Variants in NRXN1 observed in about 807,000 individuals in gnomAD.
NRXN1 encodes the protein neurexin 1.
A neutral mutation model predicts 150.9 loss-of-function variants in NRXN1; 39 were observed. That is an observed-to-expected ratio of 0.26 (90% CI 0.20 to 0.34). The LOEUF is 0.34. Among genes scored for constraint, NRXN1 ranks in the 10% least tolerant of loss-of-function variants. NRXN1 has a pLI of 1.00. For synonymous variants in NRXN1, 924 were observed against 757.0 expected (o/e 1.22, Z -3.62); for missense variants, 1,815 against 1,949.9 (o/e 0.93, Z 1.30).
At chr2:50,913,575 C>G (rs1411408317) in intron 5 of NRXN1, among the ~76,000 whole-genome samples, 1 of 151,648 alleles carries the variant, frequency 6.6e-6, no homozygotes, top group Non-Finnish European at 1.5e-5. Context: ...ATAGTCTATA[C>G]CTGGGTTATG....
intron 5 of NRXN1, among the ~76,000 whole-genome samples, chr2:50,768,949 C>T (rs925225117): frequency 6.7e-6 from 1 of 150,234 alleles, no homozygotes; most frequent in Admixed American, 6.6e-5. Context: ...CACACACACA[C>T]TCTGAACTTG....
chr2:50,863,416 G>A (rs138570948), intron 5 of NRXN1, among the ~76,000 whole-genome samples: 1 of 152,068 alleles, frequency 6.6e-6, no homozygotes, highest in Non-Finnish European at 1.5e-5. Flanking sequence ...GGGTTTGTGT[G>A]TGTGTTAAAC....
chr2:50,962,738 T>C (rs566027986), intron 2 of NRXN1, among the ~76,000 whole-genome samples: 1 of 151,662 alleles, frequency 6.6e-6, no homozygotes, highest in South Asian at 2.1e-4. Context: ...TAAAAACAAA[T>C]TAAGCTTCAC....
chr2:50,070,567 G>A (rs1001389043), intron 19 of NRXN1, among the ~76,000 whole-genome samples: 1 of 151,720 alleles, frequency 6.6e-6, no homozygotes, highest in South Asian at 2.1e-4. Flanking sequence ...TCAGGAGATC[G>A]AGACCATCCC....
chr2:50,190,441 A>C (rs2061370144), intron 18 of NRXN1, among the ~76,000 whole-genome samples: 1 of 152,132 alleles, frequency 6.6e-6, no homozygotes, highest in Non-Finnish European at 1.5e-5. Flanking sequence ...CATCTCAAGC[A>C]TATAGGCAAT....
intron 17 of NRXN1, among the ~76,000 whole-genome samples, chr2:50,304,454 A>G (rs373170414): frequency 1.3e-5 from 2 of 152,336 alleles, no homozygotes; most frequent in East Asian, 3.9e-4. Context: ...AACTATAGGT[A>G]TATGTAGTAC....
At chr2:50,484,151 T>C (rs2090696864) in intron 15 of NRXN1, among the ~76,000 whole-genome samples, 1 of 152,116 alleles carries the variant, frequency 6.6e-6, no homozygotes, top group African/African-American at 2.4e-5. Flanking sequence ...AAGGACAAAG[T>C]AGTATAAAGC....
intron 17 of NRXN1, among the ~76,000 whole-genome samples, chr2:50,386,587 A>AGAC (rs146023451): frequency 0.068 from 10,361 of 152,172 alleles, 712 homozygotes; most frequent in East Asian, 0.35. Context: ...CCCCAAATTG[A>AGAC]GACCTTCAAG....
intron 2 of NRXN1, among the ~76,000 whole-genome samples, chr2:50,978,950 C>T (rs1696347738): frequency 6.6e-6 from 1 of 152,092 alleles, no homozygotes. Context: ...GTAGTATAAA[C>T]TTCATAGGAT....
intron 15 of NRXN1, among the ~76,000 whole-genome samples, chr2:50,494,991 A>G (rs772790804): frequency 5.3e-5 from 8 of 150,852 alleles, no homozygotes; most frequent in Non-Finnish European, 1.2e-4. Flanking sequence ...AGATCGTGCC[A>G]CTGCACTCCA....
chr2:50,512,174 A>G (rs923998670), intron 12 of NRXN1, among the ~76,000 whole-genome samples: 1 of 152,162 alleles, frequency 6.6e-6, no homozygotes, highest in Admixed American at 6.5e-5. Flanking sequence ...GTGCAATGTT[A>G]TAGTGAATAT....
At chr2:50,416,062 C>A (rs115412137) in intron 17 of NRXN1, among the ~76,000 whole-genome samples, 1,688 of 151,682 alleles carry the variant, frequency 0.011, 36 homozygotes, top group African/African-American at 0.037. Flanking sequence ...ACTGGGAATA[C>A]CATGGTGAGC....
At chr2:50,267,155 T>G (rs1477611769) in intron 17 of NRXN1, among the ~76,000 whole-genome samples, 1 of 152,146 alleles carries the variant, frequency 6.6e-6, no homozygotes, top group Non-Finnish European at 1.5e-5. Flanking sequence ...GAGAGGCAGA[T>G]GAATAAAGCA....
chr2:50,394,210 CTA>C (rs1465428221), intron 17 of NRXN1, among the ~76,000 whole-genome samples: 14 of 152,154 alleles, frequency 9.2e-5, no homozygotes, highest in African/African-American at 3.1e-4. Context: ...TACAATCTAT[CTA>C]TATGTGATGA....
In NRXN1 at chr2:50,473,712, T is replaced by G. The variant is rs114434386; in HGVS notation, c.3071-1241A>C. Among the ~76,000 whole-genome samples, 658 of 152,172 alleles carry G rather than the reference T, an allele frequency of 4.3e-3. 3 individuals are homozygous for G. Among genetic ancestry groups the G allele is most frequent in the African/African-American group, 0.015 (633 of 41,554 alleles). On this transcript the variant is annotated intron_variant, in intron 15 of 22. Transcript: ENST00000401669. ...TCACCTGGGTCCTTCTGTGTTGTCTTCACGAGACTTGGGAACAAGGAGAAC... is the reference window on the plus strand; with the variant it reads ...TCACCTGGGTCCTTCTGTGTTGTCTGCACGAGACTTGGGAACAAGGAGAAC...
At chr2:50,634,735 C>T (rs986754662) in intron 5 of NRXN1, among the ~76,000 whole-genome samples, 1 of 152,058 alleles carries the variant, frequency 6.6e-6, no homozygotes, top group Non-Finnish European at 1.5e-5. Context: ...AGGTGTCTTA[C>T]CATCACCGCC....
chr2:50,544,008 A>G (rs2093441484), intron 9 of NRXN1, among the ~76,000 whole-genome samples: 4 of 152,168 alleles, frequency 2.6e-5, no homozygotes, highest in Admixed American at 2.0e-4. Flanking sequence ...CTCTTATGAA[A>G]AATAAAGAAA....
chr2:50,102,386 ATGGTTTT>A (rs1487604074), intron 18 of NRXN1, among the ~76,000 whole-genome samples: 1 of 152,028 alleles, frequency 6.6e-6, no homozygotes, highest in Admixed American at 6.6e-5. Flanking sequence ...CCTCAATTGC[ATGGTTTT>A]CTGGCATAAA....
At chr2:50,809,583 T>C (rs1415993977) in intron 5 of NRXN1, among the ~76,000 whole-genome samples, 2 of 152,130 alleles carry the variant, frequency 1.3e-5, no homozygotes, top group African/African-American at 4.8e-5. Flanking sequence ...ATTCCTGAGA[T>C]AAACTTGATT....
Sources: gnomAD v4.1 joint callset for allele counts (sites outside exome capture counted in the v4.1 genomes callset) on GRCh38, gnomAD v4.1.1 for gene constraint, MANE v1.5 for transcripts, NCBI Gene and HGNC (gene_info 2026-07-23, HGNC 2026-07-21) for gene names.